DENND5A: variants seen among roughly 807,000 people sequenced by gnomAD.
DENND5A encodes the protein DENN domain-containing protein 5A.
DENND5A carries 64 observed loss-of-function variants against 140.3 expected under a neutral mutation model. The observed-to-expected ratio is 0.46, with a 90% CI of 0.37 to 0.56. DENND5A has a LOEUF of 0.56. Ranked by LOEUF, DENND5A falls within the 20% of genes least tolerant of loss-of-function variation. The pLI is 0.00. For synonymous variants in DENND5A, 605 were observed against 607.7 expected (o/e 1.00, Z 0.07); for missense variants, 1,292 against 1,593.8 (o/e 0.81, Z 3.22).
At chr11:9,222,810 G>T (rs2136237750) in intron 1 of DENND5A, among the ~76,000 whole-genome samples, 1 of 152,336 alleles carries the variant, frequency 6.6e-6, no homozygotes, top group South Asian at 2.1e-4. Flanking sequence ...GAGGCCTCAA[G>T]AACGTGCTTT....
chr11:9,254,158 G>GAAAAAA (rs10718465), intron 1 of DENND5A, among the ~76,000 whole-genome samples: 2 of 91,888 alleles, frequency 2.2e-5, no homozygotes, highest in Non-Finnish European at 4.2e-5. Context: ...CTCTGTCTCA[G>GAAAAAA]AAAAAAAAAA....
At chr11:9,244,446 C>T (rs922920215) in intron 1 of DENND5A, among the ~76,000 whole-genome samples, 4 of 151,882 alleles carry the variant, frequency 2.6e-5, no homozygotes, top group Admixed American at 6.6e-5. Flanking sequence ...CTCAGCTCAC[C>T]GCAACCTCCG....
chr11:9,261,855 GAAA>G (rs1242733884), intron 1 of DENND5A, among the ~76,000 whole-genome samples: 5 of 150,252 alleles, frequency 3.3e-5, no homozygotes, highest in Admixed American at 3.3e-4. Context: ...AATGAAGAGG[GAAA>G]AAAAATCCTT....
chr11:9,254,326 T>A (rs1424651926), intron 1 of DENND5A, among the ~76,000 whole-genome samples: 1 of 152,096 alleles, frequency 6.6e-6, no homozygotes, highest in African/African-American at 2.4e-5. Flanking sequence ...TCTGGCTTTT[T>A]TAAGCCAGAC....
intron 4 of DENND5A, among the ~76,000 whole-genome samples, chr11:9,199,380 C>T (rs1849449322): frequency 6.6e-6 from 1 of 151,938 alleles, no homozygotes; most frequent in Non-Finnish European, 1.5e-5. Flanking sequence ...GCCTGTAGTC[C>T]CAGCTACCCA....
intron 1 of DENND5A, among the ~76,000 whole-genome samples, chr11:9,253,726 G>T (rs1487961594): frequency 2.9e-4 from 44 of 151,548 alleles, no homozygotes; most frequent in Admixed American, 2.9e-3. Context: ...CCATTAGCAG[G>T]TATAGTGATG....
intron 22 of DENND5A, among the ~76,000 whole-genome samples, chr11:9,140,450 T>A (rs546658267): frequency 6.6e-6 from 1 of 152,178 alleles, no homozygotes; most frequent in Admixed American, 6.5e-5. Flanking sequence ...TAAACTGCCT[T>A]AAGTTTATTT....
intron 5 of DENND5A, among the ~76,000 whole-genome samples, chr11:9,183,391 T>C (rs1848798982): frequency 6.6e-6 from 1 of 152,298 alleles, no homozygotes; most frequent in South Asian, 2.1e-4. Context: ...TATATGTATG[T>C]ATGCCTTTAA....
intron 8 of DENND5A, among the ~76,000 whole-genome samples, chr11:9,174,714 C>CAA (rs111662160): frequency 6.7e-6 from 1 of 150,268 alleles, no homozygotes; most frequent in African/African-American, 2.5e-5. Flanking sequence ...AAAACAACAA[C>CAA]AAAAAAAATC....
chr11:9,157,070 G>A (rs1396822976), intron 12 of DENND5A, among the ~76,000 whole-genome samples: 1 of 152,108 alleles, frequency 6.6e-6, no homozygotes, highest in Non-Finnish European at 1.5e-5. Context: ...AATTTTTGCA[G>A]TAAATATTTA....
intron 1 of DENND5A, among the ~76,000 whole-genome samples, chr11:9,253,893 C>T (rs1171414341): frequency 1.3e-5 from 2 of 151,286 alleles, no homozygotes; most frequent in Non-Finnish European, 2.9e-5. Flanking sequence ...CGCAGTGGCT[C>T]ACACCTGTAA....
chr11:9,227,538 T>C (rs930083757), intron 1 of DENND5A, among the ~76,000 whole-genome samples: 12 of 152,190 alleles, frequency 7.9e-5, no homozygotes, highest in Non-Finnish European at 1.2e-4. Context: ...TAGTGCAGTA[T>C]ATTCTGTGTT....
At chr11:9,168,845 A>AT (rs1282453615) in intron 10 of DENND5A, among the ~76,000 whole-genome samples, 18 of 152,224 alleles carry the variant, frequency 1.2e-4, no homozygotes, top group Non-Finnish European at 4.4e-5. Flanking sequence ...TTTCTCAAAG[A>AT]TAAGTTACTG....
chr11:9,179,529 C>T (rs1462286383), intron 6 of DENND5A, among the ~76,000 whole-genome samples: 5 of 133,056 alleles, frequency 3.8e-5, no homozygotes, highest in Admixed American at 8.7e-5. Context: ...GACAGAGTTT[C>T]GCTCTTGTTG....
intron 1 of DENND5A, among the ~76,000 whole-genome samples, chr11:9,257,642 C>G (rs565343456): frequency 6.6e-6 from 1 of 151,290 alleles, no homozygotes; most frequent in Admixed American, 6.6e-5. Context: ...CCATCGCACC[C>G]GGCTAATTTT....
At chr11:9,230,309 G>T (rs1226534175) in intron 1 of DENND5A, among the ~76,000 whole-genome samples, 1 of 124,132 alleles carries the variant, frequency 8.1e-6, no homozygotes, top group Non-Finnish European at 1.6e-5. Context: ...GGTGCAAACA[G>T]AGCTCACTAC....
intron 1 of DENND5A, among the ~76,000 whole-genome samples, chr11:9,232,183 C>T (rs910515629): frequency 2.0e-5 from 3 of 151,862 alleles, no homozygotes; most frequent in Non-Finnish European, 4.4e-5. Flanking sequence ...CATGATCCTG[C>T]AATAACAAAG....
intron 12 of DENND5A, among the ~76,000 whole-genome samples, chr11:9,154,865 G>A (rs183336966): frequency 3.5e-4 from 53 of 151,820 alleles, no homozygotes; most frequent in Admixed American, 5.9e-4. Flanking sequence ...AAAAAAGAAG[G>A]TTGACTGGGC....
chr11:9,188,130 T>C (rs572222682), intron 5 of DENND5A, among the ~76,000 whole-genome samples: 4 of 152,306 alleles, frequency 2.6e-5, no homozygotes, highest in Non-Finnish European at 4.4e-5. Context: ...AGTTGAATCA[T>C]GGCGGCAGGT....
Sources: gnomAD v4.1 joint callset for allele counts (sites outside exome capture counted in the v4.1 genomes callset) on GRCh38, gnomAD v4.1.1 for gene constraint, MANE v1.5 for transcripts, NCBI Gene and HGNC (gene_info 2026-07-23, HGNC 2026-07-21) for gene names.